The following KCNU1 variants were observed in gnomAD, a reference collection of about 807,000 sequenced individuals.
The protein encoded by KCNU1 is potassium calcium-activated channel subfamily U member 1.
A neutral mutation model predicts 126.8 loss-of-function variants in KCNU1; 93 were observed. That is an observed-to-expected ratio of 0.73 (90% CI 0.62 to 0.87). The LOEUF (loss-of-function observed/expected upper bound fraction) is 0.87, where lower values mean the gene tolerates loss of function less well. KCNU1 is among the 40% of genes least tolerant of loss of function. KCNU1 has a pLI of 0.00. For synonymous variants in KCNU1, 523 were observed against 494.2 expected, an observed-to-expected ratio of 1.06 and a Z score of -0.77; for missense variants, 1,330 against 1,367.1, an observed-to-expected ratio of 0.97 and a Z score of 0.43.
At chr8:36,814,683 T>A (rs1803844072) in intron 8 of KCNU1, among the ~76,000 whole-genome samples, 1 of 152,202 alleles carries the variant, frequency 6.6e-6, no homozygotes, top group Admixed American at 6.5e-5. Context: ...CAACTTAAAG[T>A]CTTTCTTCTA....
chr8:36,884,710 T>C (rs1233847421), intron 19 of KCNU1, among the ~76,000 whole-genome samples: 1 of 151,380 alleles, frequency 6.6e-6, no homozygotes, highest in Admixed American at 6.6e-5. Flanking sequence ...GACTTCTGGG[T>C]AACAGAGCCT....
chr8:36,881,117 C>T (rs1204316236), intron 19 of KCNU1, among the ~76,000 whole-genome samples: 4 of 152,312 alleles, frequency 2.6e-5, no homozygotes, highest in South Asian at 2.1e-4. Flanking sequence ...CATTAGCTGC[C>T]GCCACTGACA....
chr8:36,797,612 T>C (rs1803148220), intron 2 of KCNU1, among the ~76,000 whole-genome samples: 1 of 151,750 alleles, frequency 6.6e-6, no homozygotes, highest in Non-Finnish European at 1.5e-5. Flanking sequence ...CATAACACAC[T>C]ATTTCTTTCT....
chr8:36,854,862 C>T (rs909292667), intron 18 of KCNU1, among the ~76,000 whole-genome samples: 6 of 152,108 alleles, frequency 3.9e-5, no homozygotes, highest in Non-Finnish European at 7.4e-5. Flanking sequence ...AAATCAGATT[C>T]TCCAGTAGAC....
At chr8:36,890,701 ATTG>A (rs1806928527) in intron 19 of KCNU1, among the ~76,000 whole-genome samples, 1 of 151,926 alleles carries the variant, frequency 6.6e-6, no homozygotes, top group Non-Finnish European at 1.5e-5. Context: ...AAAGACAGCT[ATTG>A]TTAGAGTTGA....
intron 1 of KCNU1, among the ~76,000 whole-genome samples, chr8:36,785,762 C>CT (rs1802690548): frequency 6.6e-6 from 1 of 152,114 alleles, no homozygotes; most frequent in Admixed American, 6.6e-5. Flanking sequence ...ATTTTTAAAT[C>CT]TTCTTAGTCT....
intron 9 of KCNU1, 97 bp from the exon 10 acceptor site, chr8:36,817,553 T>C: frequency 1.6e-6 from 1 of 614,188 alleles, no homozygotes; most frequent in East Asian, 2.9e-5. Flanking sequence ...CCATATTTAT[T>C]GGAAACTAAG....
chr8:36,875,706 T>C (rs1806256150), intron 19 of KCNU1, among the ~76,000 whole-genome samples: 1 of 152,178 alleles, frequency 6.6e-6, no homozygotes, highest in Non-Finnish European at 1.5e-5. Context: ...CACATTAAAA[T>C]TTCTAGTTCA....
rs374878639 is a variant in KCNU1 at position 36,925,114 on chromosome 8, T to A, written c.2736+2485T>A. 1.3e-3 allele frequency among the ~76,000 whole-genome samples: 202 copies of A among 152,280 alleles called. 1 individual carries two copies. Among genetic ancestry groups the A allele is most frequent in the African/African-American group, 4.8e-3 (198 of 41,566 alleles). On this transcript the variant is annotated intron_variant, in intron 24 of 26. Transcript: ENST00000399881. ...AGGTTCTTCCCAGGCTGCCTTCAGA[T>A]ATTGGGTCAATGGGCTTCACTTGGT...
chr8:36,867,121 A>G (rs1196726663), intron 19 of KCNU1, among the ~76,000 whole-genome samples: 1 of 152,164 alleles, frequency 6.6e-6, no homozygotes, highest in African/African-American at 2.4e-5. Flanking sequence ...TAAACACATA[A>G]TAAAAGCCAA....
In KCNU1 at chr8:36,819,275, C is replaced by T. The variant is rs1436112646; in HGVS notation, c.1106+1515C>T. ...TGTTATGAAGGCCCCTCAAGCTCAA[C>T]ATTCTCAAAAGTGAACTCATGATCT... On this transcript the variant is annotated intron_variant, in intron 10 of 26. Transcript: ENST00000399881. Among the ~76,000 whole-genome samples, 7 of 152,142 alleles carry T rather than the reference C, an allele frequency of 4.6e-5. No individual in the cohort carries two copies. In the East Asian group the frequency reaches 1.3e-3, roughly 29 times the overall value.
intron 10 of KCNU1, among the ~76,000 whole-genome samples, chr8:36,819,287 T>C (rs1184238693): frequency 6.6e-6 from 1 of 152,116 alleles, no homozygotes; most frequent in African/African-American, 2.4e-5. Context: ...TTCTCAAAAG[T>C]GAACTCATGA....
chr8:36,840,377 T>TACATGCAA, intron 14 of KCNU1, 86 bp from the exon 15 acceptor site: 1 of 676,344 alleles, frequency 1.5e-6, no homozygotes, highest in African/African-American at 1.8e-5. Flanking sequence ...GAAGACTTGT[T>TACATGCAA]TGTGCTTAGC....
At chr8:36,832,116 C>T (rs1038277504) in intron 10 of KCNU1, among the ~76,000 whole-genome samples, 2 of 152,122 alleles carry the variant, frequency 1.3e-5, no homozygotes, top group African/African-American at 4.8e-5. Flanking sequence ...TTCCATTGAT[C>T]TATATCTCTG....
At chr8:36,909,643 A>G in intron 21 of KCNU1, 108 bp downstream of exon 21, 1 of 672,570 alleles carries the variant, frequency 1.5e-6, no homozygotes, top group Non-Finnish European at 2.5e-6. Flanking sequence ...CAGATGCCAG[A>G]AACTGTTCTA....
At chr8:36,825,299 A>G (rs969361758) in intron 10 of KCNU1, among the ~76,000 whole-genome samples, 13 of 152,252 alleles carry the variant, frequency 8.5e-5, no homozygotes, top group African/African-American at 2.2e-4. Context: ...ATGATGATCC[A>G]TTTGTCTTGA....
At chr8:36,900,802 A>G (rs1318888526) in intron 19 of KCNU1, among the ~76,000 whole-genome samples, 1 of 152,092 alleles carries the variant, frequency 6.6e-6, no homozygotes, top group African/African-American at 2.4e-5. Flanking sequence ...AGACAGTCAC[A>G]ATGGAGTTTT....
At chr8:36,923,493 A>T (rs1208147461) in intron 24 of KCNU1, among the ~76,000 whole-genome samples, 3 of 152,170 alleles carry the variant, frequency 2.0e-5, no homozygotes, top group Admixed American at 1.3e-4. Context: ...GGGGGAGAGG[A>T]GAGAACACAG....
intron 18 of KCNU1, among the ~76,000 whole-genome samples, chr8:36,852,439 T>C (rs1805383997): frequency 6.6e-6 from 1 of 152,184 alleles, no homozygotes; most frequent in African/African-American, 2.4e-5. Context: ...TGTGAAGGGT[T>C]AGTGTTAATT....
Sources: allele counts gnomAD v4.1 joint callset (sites outside exome capture counted in the v4.1 genomes callset), GRCh38; gene constraint gnomAD v4.1.1; transcripts MANE v1.5; gene names NCBI Gene and HGNC (gene_info 2026-07-23, HGNC 2026-07-21).